SV2B: variants seen among roughly 807,000 people sequenced by gnomAD.
The protein encoded by SV2B is synaptic vesicle glycoprotein 2B.
In SV2B, 41 loss-of-function variants were observed where a neutral mutation model predicts 73.9. That is an observed-to-expected ratio of 0.56 (90% confidence interval 0.43 to 0.72). The LOEUF (loss-of-function observed/expected upper bound fraction) is 0.72. Among genes scored for constraint, SV2B ranks in the 30% least tolerant of loss-of-function variants. The pLI is 0.00. For missense variants in SV2B, 764 were observed against 857.8 expected (o/e 0.89, Z 1.37); for synonymous variants, 314 against 314.2 (o/e 1.00, Z 0.01).
chr15:91,149,174 C>T (rs776050339), intron 1 of SV2B, among the ~76,000 whole-genome samples: 1 of 152,214 alleles, frequency 6.6e-6, no homozygotes, highest in South Asian at 2.1e-4. Context: ...ATTGAAATCC[C>T]TGTTACTCTG....
Position 91,258,693 on chromosome 15 carries a change from C to T in SV2B, c.918+139C>T. The T allele has an allele frequency of 7.9e-7, 1 of 1,260,478 alleles. No homozygotes were observed. The highest frequency in any genetic ancestry group is 1.1e-6 in the Non-Finnish European group (1 of 927,600). The allele number at this position is 1,260,478 out of a possible 1,614,324, so 78.1% of individuals were successfully genotyped here. ...ACTCTCCCCTGGTCGGCTGACCTCA[C>T]TCATCATTGAATCTGGCACCTGCCG... On this transcript the variant is annotated intron_variant, in intron 5 of 12. Transcript: ENST00000394232. The surrounding 1 kb of genome is among the most constrained non-coding windows in gnomAD (Gnocchi z 4.7).
chr15:91,205,526 C>T (rs890759000), intron 1 of SV2B, among the ~76,000 whole-genome samples: 19 of 151,766 alleles, frequency 1.3e-4, no homozygotes, highest in African/African-American at 3.1e-4. Flanking sequence ...CCACCATGCC[C>T]GGCTAATATT....
intron 1 of SV2B, among the ~76,000 whole-genome samples, chr15:91,143,721 A>G (rs2043065134): frequency 6.6e-6 from 1 of 152,214 alleles, no homozygotes; most frequent in African/African-American, 2.4e-5. Flanking sequence ...GATGATTCTG[A>G]TGATTCAGAC....
In SV2B at chr15:91,234,795, G is replaced by A. The variant is rs192257317; in HGVS notation, c.451+8081G>A. Among the ~76,000 whole-genome samples the A allele has an allele frequency of 1.1e-4, 16 of 152,318 alleles. No homozygotes were observed. The highest frequency in any genetic ancestry group is 1.5e-5 in the Non-Finnish European group (1 of 68,030). ...TTATACCATTAATCTTTCTCTCAGT[G>A]TTCCCCAAAGAGACCTGTGGGCTTT... On this transcript the variant is annotated intron_variant, in intron 2 of 12. Coordinates refer to ENST00000394232, the MANE Select transcript of SV2B (RefSeq NM_001323032.3). The surrounding 1 kb of genome is among the most constrained non-coding windows in gnomAD (Gnocchi z 5.6).
chr15:91,262,765 T>A (rs755895302), intron 6 of SV2B, among the ~76,000 whole-genome samples: 74 of 152,274 alleles, frequency 4.9e-4, no homozygotes, highest in Middle Eastern at 6.8e-3. Flanking sequence ...TGAAAGATGT[T>A]AAGGGTCACA....
In SV2B at chr15:91,253,319, G is replaced by A. The variant is rs948129372; in HGVS notation, c.784+799G>A. Among the ~76,000 whole-genome samples the A allele has an allele frequency of 1.3e-5, 2 of 152,182 alleles. No homozygotes were observed. The highest frequency in any genetic ancestry group is 1.9e-4 in the East Asian group (1 of 5,202). On this transcript the variant is annotated intron_variant, in intron 4 of 12. Transcript: ENST00000394232. The surrounding 1 kb of genome is among the most constrained non-coding windows in gnomAD (Gnocchi z 5.0). ...CAGTGGTTTAGAATCCTCAGACCCC[G>A]AGGGGGTAGCAGACAGCTGCCCCTG...
intron 1 of SV2B, among the ~76,000 whole-genome samples, chr15:91,215,105 A>G (rs2045981118): frequency 6.6e-6 from 1 of 152,182 alleles, no homozygotes; most frequent in African/African-American, 2.4e-5. Context: ...TCCTTCGTCC[A>G]GGAGTCTTTG....
chr15:91,161,460 T>C (rs902120639), intron 1 of SV2B, among the ~76,000 whole-genome samples: 3 of 152,206 alleles, frequency 2.0e-5, no homozygotes, highest in Non-Finnish European at 2.9e-5. Context: ...TAAAAATTGA[T>C]GGTAAAAGAT....
At position 91,268,433 on chromosome 15, in the gene SV2B, C is replaced by T; in HGVS notation, c.1209-8C>T. On this transcript the variant is annotated splice_region_variant and splice_polypyrimidine_tract_variant and intron_variant, in intron 8 of 12. Transcript: ENST00000394232. This position sits in a 1 kb window ranked among gnomAD's most constrained non-coding sequence, Gnocchi z 4.4. ...TGTTGTTGCAACCTTCTGCCTTCTC[C>T]ACTCCAGTTACTATGGACTGACAGT... 1 of 1,607,998 alleles carries T rather than the reference C, an allele frequency of 6.2e-7. No homozygotes were observed. The highest frequency in any genetic ancestry group is 2.2e-5 in the East Asian group (1 of 44,714).
At chr15:91,250,493 G>T (rs184617382) in intron 2 of SV2B, among the ~76,000 whole-genome samples, 21 of 152,188 alleles carry the variant, frequency 1.4e-4, no homozygotes, top group Non-Finnish European at 2.6e-4. Flanking sequence ...GCAAGAAAAA[G>T]AAATAAAAGT....
Position 91,267,770 on chromosome 15 carries a change from G to A in SV2B, c.1208+127G>A. 2.7e-6 allele frequency: 2 copies of A among 731,208 alleles called. No individual in the cohort carries two copies. 45.3% of individuals were successfully genotyped at this position (731,208 alleles called of 1,614,324 possible). On this transcript the variant is annotated intron_variant, in intron 8 of 12. Coordinates refer to ENST00000394232, the MANE Select transcript of SV2B (RefSeq NM_001323032.3). This position sits in a 1 kb window ranked among gnomAD's most constrained non-coding sequence, Gnocchi z 4.3. ...TAGGATGCTTTGGTGGCAAGTAGCA[G>A]AAAACCAACTCTAGTGGCTTCTACA...
At chr15:91,156,979 G>A (rs770504727) in intron 1 of SV2B, among the ~76,000 whole-genome samples, 16 of 152,352 alleles carry the variant, frequency 1.1e-4, no homozygotes, top group Non-Finnish European at 1.9e-4. Context: ...GTAGGCGCAA[G>A]CTCATTGCTT....
At position 91,267,805 on chromosome 15, in the gene SV2B, C is replaced by CTTTTT. The variant is rs56033749; in HGVS notation, c.1208+174_1208+178dup. 2.1e-5 allele frequency among the ~76,000 whole-genome samples: 3 copies of CTTTTT among 141,870 alleles called. No individual in the cohort carries two copies. Among genetic ancestry groups the CTTTTT allele is most frequent in the African/African-American group, 7.9e-5 (3 of 38,158 alleles). The allele number at this position is 141,870 out of a possible 152,430, so 93.1% of individuals were successfully genotyped here. A position where few individuals can be genotyped will look rare whatever the true frequency, so the allele number is the denominator to read the frequency against. On this transcript the variant is annotated intron_variant, in intron 8 of 12. Transcript: ENST00000394232. This position sits in a 1 kb window ranked among gnomAD's most constrained non-coding sequence, Gnocchi z 4.3. ...TCTAGTGGCTTCTACAAAGAAGAAA[C>CTTTTT]TTTTTTTTTTTTTTTTGAGACAGAG...
chr15:91,266,972 C>G (rs1441153482), intron 7 of SV2B: 1 of 286,530 alleles, frequency 3.5e-6, no homozygotes, highest in Non-Finnish European at 6.4e-6. Context: ...TCTGAGTAAA[C>G]ATTATTCTCT....
chr15:91,126,907 G>T (rs2042500132), intron 1 of SV2B, among the ~76,000 whole-genome samples: 1 of 152,208 alleles, frequency 6.6e-6, no homozygotes. Context: ...CATAGTTAAT[G>T]GTGAAAGACT....
intron 1 of SV2B, among the ~76,000 whole-genome samples, chr15:91,166,965 C>A (rs1486313458): frequency 1.3e-5 from 2 of 152,054 alleles, no homozygotes; most frequent in African/African-American, 4.8e-5. Flanking sequence ...AGGTGCCTGC[C>A]ACCATGCCCG....
intron 1 of SV2B, among the ~76,000 whole-genome samples, chr15:91,154,676 C>T (rs2043428230): frequency 6.6e-6 from 1 of 152,084 alleles, no homozygotes; most frequent in Non-Finnish European, 1.5e-5. Context: ...AATTTGAATA[C>T]AGAGACACAC....
rs1320371297 is a variant in SV2B, at chr15:91,139,955, T to C, written c.-392+39592T>C. Among the ~76,000 whole-genome samples the C allele has an allele frequency of 1.3e-5, 2 of 152,154 alleles. No individual in the cohort carries two copies. The highest frequency in any genetic ancestry group is 4.8e-5 in the African/African-American group (2 of 41,432). On this transcript the variant is annotated intron_variant, in intron 1 of 12. Coordinates refer to ENST00000394232, the MANE Select transcript of SV2B (RefSeq NM_001323032.3). The surrounding 1 kb of genome is among the most constrained non-coding windows in gnomAD (Gnocchi z 5.2). Reference sequence around the variant, plus strand: ...CAGCCTGCGTCTCAGCCCAGATCATTTGGAAATTGGGCTCATGCTCTGGGT... The same window carrying C: ...CAGCCTGCGTCTCAGCCCAGATCATCTGGAAATTGGGCTCATGCTCTGGGT...
At chr15:91,134,870 T>A (rs1369830376) in intron 1 of SV2B, among the ~76,000 whole-genome samples, 2 of 152,206 alleles carry the variant, frequency 1.3e-5, no homozygotes, top group Admixed American at 6.5e-5. Flanking sequence ...GTCCCACCTA[T>A]TTTCTCAGCC....
Sources: allele counts gnomAD v4.1 joint callset (sites outside exome capture counted in the v4.1 genomes callset), GRCh38; gene constraint gnomAD v4.1.1; non-coding constraint Gnocchi (gnomAD v3.1); transcripts MANE v1.5; gene names NCBI Gene and HGNC (gene_info 2026-07-23, HGNC 2026-07-21).